FANCC: variants seen among roughly 807,000 people sequenced by gnomAD.
The protein encoded by FANCC is Fanconi anemia group C protein.
A neutral mutation model predicts 71.3 loss-of-function variants in FANCC; 55 were observed. That is an observed-to-expected ratio of 0.77 (90% CI 0.62 to 0.97). FANCC has a LOEUF of 0.97. Among genes scored for constraint, FANCC ranks in the 50% least tolerant of loss-of-function variants. The pLI is 0.00. For synonymous variants in FANCC, 275 were observed against 244.9 expected (o/e 1.12, Z -1.15); for missense variants, 678 against 670.9 (o/e 1.01, Z -0.12).
At chr9:95,252,186 G>T (rs896353668) in intron 1 of FANCC, among the ~76,000 whole-genome samples, 3 of 149,356 alleles carry the variant, frequency 2.0e-5, no homozygotes, top group African/African-American at 7.4e-5. Flanking sequence ...GGCAGAGGCA[G>T]GAGAATCACT....
chr9:95,180,718 C>T (rs192530370), intron 4 of FANCC, among the ~76,000 whole-genome samples: 4 of 151,702 alleles, frequency 2.6e-5, no homozygotes, highest in African/African-American at 9.7e-5. Flanking sequence ...ACCAATAACA[C>T]AGCCATTTAT....
chr9:95,128,520 T>C (rs957433370), intron 8 of FANCC, among the ~76,000 whole-genome samples: 1 of 152,220 alleles, frequency 6.6e-6, no homozygotes, highest in Non-Finnish European at 1.5e-5. Context: ...ATACTAATTA[T>C]AGGGATTTCC....
chr9:95,256,581 A>C (rs1396835562), intron 1 of FANCC, among the ~76,000 whole-genome samples: 1 of 152,192 alleles, frequency 6.6e-6, no homozygotes, highest in Non-Finnish European at 1.5e-5. Context: ...CACCGCAAAA[A>C]AATACCAAAT....
chr9:95,261,181 T>C (rs1346186274), intron 1 of FANCC, among the ~76,000 whole-genome samples: 1 of 152,238 alleles, frequency 6.6e-6, no homozygotes, highest in African/African-American at 2.4e-5. Flanking sequence ...AAAAAATGCA[T>C]GCCTTGAAAA....
chr9:95,294,706 G>A (rs1834267709), intron 1 of FANCC: 1 of 1,599,912 alleles, frequency 6.3e-7, no homozygotes, highest in Admixed American at 1.7e-5. Context: ...AACAACAATG[G>A]ACGACTTTCT....
chr9:95,137,187 GTGAA>G (rs1827825411), intron 7 of FANCC, among the ~76,000 whole-genome samples: 1 of 152,218 alleles, frequency 6.6e-6, no homozygotes, highest in Non-Finnish European at 1.5e-5. Flanking sequence ...CAGAGCTGGT[GTGAA>G]GCCCAGCAAC....
At chr9:95,239,747 A>C (rs1050425381) in intron 4 of FANCC, among the ~76,000 whole-genome samples, 6 of 152,220 alleles carry the variant, frequency 3.9e-5, no homozygotes, top group South Asian at 2.1e-4. Context: ...AAAAATATAA[A>C]TACTGTCTTC....
At position 95,294,677 on chromosome 9, in the gene FANCC, T is replaced by A. The variant is rs1834265981; in HGVS notation, c.-79+22849A>T. ...TTTGAAACCCTGGGGAGCTTGTTCTTCACCAACAACGAAACTCAAACAACA... is the reference window on the plus strand; with the variant it reads ...TTTGAAACCCTGGGGAGCTTGTTCTACACCAACAACGAAACTCAAACAACA... On this transcript the variant is annotated intron_variant, in intron 1 of 14. Transcript: ENST00000289081. The A allele has an allele frequency of 1.9e-6, 3 of 1,593,724 alleles. No individual in the cohort carries two copies. The Admixed American group carries it at 5.0e-5, about 27-fold the overall frequency.
At chr9:95,304,269 A>G (rs1432260441) in intron 1 of FANCC, among the ~76,000 whole-genome samples, 1 of 152,198 alleles carries the variant, frequency 6.6e-6, no homozygotes, top group African/African-American at 2.4e-5. Context: ...AGAAGACCCA[A>G]TATCAAGAAA....
At chr9:95,156,148 T>C (rs1262062117) in intron 6 of FANCC, among the ~76,000 whole-genome samples, 1 of 152,190 alleles carries the variant, frequency 6.6e-6, no homozygotes, top group Non-Finnish European at 1.5e-5. Context: ...ATGCTTGTTT[T>C]TCAAAAGTAA....
chr9:95,250,228 T>C (rs1193546001), intron 1 of FANCC, among the ~76,000 whole-genome samples: 2 of 152,122 alleles, frequency 1.3e-5, no homozygotes, highest in Non-Finnish European at 2.9e-5. Context: ...GAAGGCTGCC[T>C]CTCAACAGGT....
At chr9:95,133,178 C>T (rs1351321228) in intron 8 of FANCC, among the ~76,000 whole-genome samples, 1 of 152,226 alleles carries the variant, frequency 6.6e-6, no homozygotes, top group Non-Finnish European at 1.5e-5. Context: ...ATCACTTAGC[C>T]ACGTCACAGG....
chr9:95,119,302 T>A (rs1042709879), intron 10 of FANCC, among the ~76,000 whole-genome samples: 1 of 152,206 alleles, frequency 6.6e-6, no homozygotes, highest in African/African-American at 2.4e-5. Context: ...GTTGTATACA[T>A]ATATTACAAA....
intron 1 of FANCC, among the ~76,000 whole-genome samples, chr9:95,277,829 A>G (rs942881248): frequency 2.0e-5 from 3 of 152,180 alleles, no homozygotes; most frequent in Non-Finnish European, 2.9e-5. Flanking sequence ...CCTTTCAAAA[A>G]TGAAGGTGAA....
At chr9:95,228,220 G>A (rs1012466546) in intron 4 of FANCC, among the ~76,000 whole-genome samples, 1 of 152,230 alleles carries the variant, frequency 6.6e-6, no homozygotes, top group African/African-American at 2.4e-5. Context: ...GGCGGAAGCA[G>A]GGGCATGCGG....
intron 8 of FANCC, among the ~76,000 whole-genome samples, chr9:95,129,153 AC>A (rs769344775): frequency 2.6e-5 from 4 of 151,950 alleles, no homozygotes; most frequent in Admixed American, 6.6e-5. Context: ...AAAAAAGAAA[AC>A]CAGTCTCCCT....
At chr9:95,240,799 A>C in intron 3 of FANCC, 56 bp from the exon 4 acceptor site, 1 of 944,858 alleles carries the variant, frequency 1.1e-6, no homozygotes, top group Non-Finnish European at 1.7e-6. Flanking sequence ...ATTAATATAA[A>C]AACACTGTAA....
At chr9:95,144,646 T>C (rs1829273758) in intron 7 of FANCC, among the ~76,000 whole-genome samples, 1 of 152,224 alleles carries the variant, frequency 6.6e-6, no homozygotes, top group African/African-American at 2.4e-5. Context: ...GCTGAGACCA[T>C]ATTCTCCTGT....
chr9:95,188,918 T>C lies in FANCC; in HGVS notation c.346-16771A>G, dbSNP rs556430968. 3.2e-4 allele frequency among the ~76,000 whole-genome samples: 48 copies of C among 152,278 alleles called. 2 individuals carry two copies. The South Asian group carries it at 9.3e-3, about 30-fold the overall frequency. On this transcript the variant is annotated intron_variant, in intron 4 of 14. Coordinates refer to ENST00000289081, the MANE Select transcript of FANCC (RefSeq NM_000136.3). ...GCCCTATGATTTTTAATTAAAAAATTACACATAAGTTACAAATGATATTTT... is the reference window on the plus strand; with the variant it reads ...GCCCTATGATTTTTAATTAAAAAATCACACATAAGTTACAAATGATATTTT...
Sources: allele counts gnomAD v4.1 joint callset (sites outside exome capture counted in the v4.1 genomes callset), GRCh38; gene constraint gnomAD v4.1.1; transcripts MANE v1.5; gene names NCBI Gene and HGNC (gene_info 2026-07-23, HGNC 2026-07-21).